The following BRI3BP variants were observed in gnomAD, a reference collection of about 807,000 sequenced individuals.
The protein encoded by BRI3BP is BRI3 binding protein.
A neutral mutation model predicts 15.8 loss-of-function variants in BRI3BP; 7 were observed. That is an observed-to-expected ratio of 0.44 (90% CI 0.25 to 0.83). BRI3BP has a LOEUF of 0.83. Among genes scored for constraint, BRI3BP ranks in the 40% least tolerant of loss-of-function variants. The pLI is 0.20. For missense variants in BRI3BP, 320 were observed against 339.3 expected, an observed-to-expected ratio of 0.94 and a Z score of 0.45; for synonymous variants, 192 against 163.5, an observed-to-expected ratio of 1.17 and a Z score of -1.33.
intron 2 of BRI3BP, among the ~76,000 whole-genome samples, chr12:125,014,769 G>A (rs7976999): frequency 0.28 from 42,219 of 151,952 alleles, 6,436 homozygotes; most frequent in South Asian, 0.46. Flanking sequence ...GCACAAAGAG[G>A]CCCTTTTTGT....
At chr12:125,010,807 T>C (rs1313965576) in intron 1 of BRI3BP, among the ~76,000 whole-genome samples, 1 of 151,318 alleles carries the variant, frequency 6.6e-6, no homozygotes, top group East Asian at 1.9e-4. Context: ...TAAAATACTG[T>C]AGCTGCCCGG....
At position 125,025,414 on chromosome 12, in the gene BRI3BP, G is replaced by T. The variant is rs750850216; in HGVS notation, c.740G>T (p.Arg247Leu). The T allele has an allele frequency of 6.3e-7, 1 of 1,595,258 alleles. No individual in the cohort carries two copies. The highest frequency in any genetic ancestry group is 2.3e-5 in the East Asian group (1 of 44,396). ...RLNRVLESLD[R>L]SKDK The stretch of plus-strand genomic sequence containing the variant: ...AACCGGGTGCTCGAGAGCCTGGACC[G>T]CTCCAAGGACAAGTGAAGGTCAGCC... Residue 247 changes from arginine to leucine, a missense_variant, in exon 3 of 3, where the codon CGC becomes CTC. By Grantham distance (102) the Arg-to-Leu change is moderately radical. Coordinates refer to ENST00000341446, the MANE Select transcript of BRI3BP (RefSeq NM_080626.6).
At chr12:125,002,485 T>C (rs1338509036) in intron 1 of BRI3BP, among the ~76,000 whole-genome samples, 2 of 143,710 alleles carry the variant, frequency 1.4e-5, no homozygotes, top group African/African-American at 2.6e-5. Context: ...TGAGACAGAG[T>C]CTCGCTCTGT....
chr12:125,031,266 C>T (rs2136004099), downstream of BRI3BP: 1 of 152,210 alleles, frequency 6.6e-6, no homozygotes, highest in African/African-American at 2.4e-5. Flanking sequence ...GATGTGTAAC[C>T]AGGATTCTAT....
intron 1 of BRI3BP, among the ~76,000 whole-genome samples, chr12:124,997,526 AC>A (rs1398867546): frequency 6.6e-6 from 1 of 151,878 alleles, no homozygotes; most frequent in African/African-American, 2.4e-5. Flanking sequence ...CAGTTGCTTT[AC>A]TTATCTGTGT....
downstream of BRI3BP, among the ~76,000 whole-genome samples, chr12:125,032,943 A>G (rs1438045694): frequency 6.6e-6 from 1 of 152,134 alleles, no homozygotes; most frequent in Admixed American, 6.5e-5. Flanking sequence ...CCTCGGACCT[A>G]GAGGGTGCCG....
At position 125,025,909 on chromosome 12, in the gene BRI3BP, G is replaced by A. The variant is rs1369923359; in HGVS notation, c.*479G>A. 1 of 153,082 alleles carries A rather than the reference G, an allele frequency of 6.5e-6. No individual in the cohort carries two copies. The highest frequency in any genetic ancestry group is 1.5e-5 in the Non-Finnish European group (1 of 68,690). The allele number at this position is 153,082 out of a possible 1,614,324, so 9.5% of individuals were successfully genotyped here. ...GCTTAGGGATTGGTGGGTGAGGTCTGTGTGCGTTATTTTCATGTTCCCAAA... is the reference window on the plus strand; with the variant it reads ...GCTTAGGGATTGGTGGGTGAGGTCTATGTGCGTTATTTTCATGTTCCCAAA... On this transcript the variant is annotated 3_prime_UTR_variant, in exon 3 of 3. Transcript: ENST00000341446.
At chr12:125,016,599 C>T (rs56125913) in intron 2 of BRI3BP, among the ~76,000 whole-genome samples, 44,303 of 151,470 alleles carry the variant, frequency 0.29, 6,460 homozygotes, top group Admixed American at 0.33. Context: ...TATCTCGGCT[C>T]ACTGCAACCT....
intron 1 of BRI3BP, among the ~76,000 whole-genome samples, chr12:125,003,954 A>AC (rs1955118272): frequency 1.1e-5 from 1 of 94,976 alleles, no homozygotes; most frequent in African/African-American, 4.2e-5. Context: ...CTCCATCTCA[A>AC]AAACACACAC....
At chr12:125,041,800 A>G in the BRI3BP span, among the ~76,000 whole-genome samples, 4 of 152,298 alleles carry the variant, frequency 2.6e-5, no homozygotes, top group South Asian at 8.3e-4. Flanking sequence ...GGGCTCCAAC[A>G]ATCCTTCCCC....
chr12:125,037,384 T>C, the BRI3BP span, among the ~76,000 whole-genome samples: 82,563 of 152,058 alleles, frequency 0.54, 24,425 homozygotes, highest in East Asian at 0.69. Flanking sequence ...ATCTAGTCCC[T>C]AAATCACCCC....
At chr12:124,997,927 C>A (rs936890973) in intron 1 of BRI3BP, among the ~76,000 whole-genome samples, 5 of 152,136 alleles carry the variant, frequency 3.3e-5, no homozygotes, top group Non-Finnish European at 7.4e-5. Flanking sequence ...GAGTTCAAGA[C>A]CAGCCTGACC....
chr12:125,020,066 C>G (rs1336279341), intron 2 of BRI3BP, among the ~76,000 whole-genome samples: 1 of 150,988 alleles, frequency 6.6e-6, no homozygotes. Flanking sequence ...GCCTCAGCCT[C>G]CTGAGTAGCT....
At chr12:125,050,381 T>A in the BRI3BP span, among the ~76,000 whole-genome samples, 1 of 150,726 alleles carries the variant, frequency 6.6e-6, no homozygotes, top group Non-Finnish European at 1.5e-5. Flanking sequence ...TAATAATCAA[T>A]AAATTTAAAA....
In BRI3BP at chr12:125,012,618, GA is replaced by G; in HGVS notation, c.299del (p.Asp100ValfsTer42). The G allele has an allele frequency of 6.2e-7, 1 of 1,607,520 alleles. No individual in the cohort carries two copies. The highest frequency in any genetic ancestry group is 8.5e-7 in the Non-Finnish European group (1 of 1,173,996). On this transcript the variant is annotated frameshift_variant, in exon 2 of 3. Transcript: ENST00000341446. LOFTEE classifies it low-confidence loss of function (END_TRUNC). The part of the protein sequence containing the change: ...TLWKVWTELL[D>X]VLGLDVSNLS... Reference sequence around the variant, plus strand: ...GTGGAAAGTCTGGACCGAGCTCTTGGATGTTCTTGGACTTGACGGTAGGTGT... The same window carrying G: ...GTGGAAAGTCTGGACCGAGCTCTTGGTGTTCTTGGACTTGACGGTAGGTGT...
At chr12:124,996,848 G>A (rs752436897) in intron 1 of BRI3BP, among the ~76,000 whole-genome samples, 4 of 144,088 alleles carry the variant, frequency 2.8e-5, no homozygotes, top group African/African-American at 5.2e-5. Flanking sequence ...AACCTCTGCC[G>A]CCCAGGTTCA....
chr12:125,037,643 CT>C, the BRI3BP span, among the ~76,000 whole-genome samples: 4 of 114,834 alleles, frequency 3.5e-5, no homozygotes, highest in Admixed American at 9.4e-5. Flanking sequence ...AACCCCGTCT[CT>C]ACTAAAAATA....
Position 125,025,728 on chromosome 12 carries a change from G to T in BRI3BP, c.*298G>T. 1 of 258,942 alleles carries T rather than the reference G, an allele frequency of 3.9e-6. No individual in the cohort carries two copies. The highest frequency in any genetic ancestry group is 7.3e-6 in the Non-Finnish European group (1 of 137,536). 16.0% of individuals were successfully genotyped at this position (258,942 alleles called of 1,614,324 possible). A position where few individuals can be genotyped will look rare whatever the true frequency, so the allele number is the denominator to read the frequency against. Reference sequence around the variant, plus strand: ...TAAGAGAAATTTATCTGTGCATAGAGCATAAAGTTAATTTTTTCAAGCATT... The same window carrying T: ...TAAGAGAAATTTATCTGTGCATAGATCATAAAGTTAATTTTTTCAAGCATT... On this transcript the variant is annotated 3_prime_UTR_variant, in exon 3 of 3. Coordinates refer to ENST00000341446, the MANE Select transcript of BRI3BP (RefSeq NM_080626.6).
chr12:125,039,125 G>A, the BRI3BP span, among the ~76,000 whole-genome samples: 1 of 152,066 alleles, frequency 6.6e-6, no homozygotes, highest in Admixed American at 6.6e-5. Flanking sequence ...AATTTCTGTT[G>A]TATAAAGCTC....
Sources: allele counts gnomAD v4.1 joint callset (sites outside exome capture counted in the v4.1 genomes callset), GRCh38; gene constraint gnomAD v4.1.1; transcripts MANE v1.5; gene names NCBI Gene and HGNC (gene_info 2026-07-23, HGNC 2026-07-21).